ANO5: variants seen among roughly 807,000 people sequenced by gnomAD.
ANO5 encodes anoctamin 5.
Under a neutral mutation model 121.0 loss-of-function variants are expected in ANO5, and 109 were observed. The ratio of observed to expected loss-of-function variants is 0.90; its 90% CI spans 0.77 to 1.06. The LOEUF (loss-of-function observed/expected upper bound fraction) is 1.06, where lower values mean the gene tolerates loss of function less well. Among genes scored for constraint, ANO5 ranks in the 50% least tolerant of loss-of-function variants. The pLI, the probability that ANO5 is intolerant of heterozygous loss-of-function variation, is 0.00. For synonymous variants in ANO5, 406 were observed against 359.9 expected (o/e 1.13, Z -1.45); for missense variants, 1,064 against 1,078.5 (o/e 0.99, Z 0.19).
chr11:22,259,495 C>G, intron 14 of ANO5, 24 bp from the exon 15 acceptor site: 1 of 1,584,498 alleles, frequency 6.3e-7, no homozygotes, highest in Non-Finnish European at 8.7e-7. Flanking sequence ...ACCCAAATAG[C>G]AGTTCTTTGT....
intron 17 of ANO5, among the ~76,000 whole-genome samples, chr11:22,267,579 C>T (rs1435141260): frequency 6.7e-6 from 1 of 150,254 alleles, no homozygotes; most frequent in East Asian, 2.0e-4. Flanking sequence ...TCCACTCTAT[C>T]CCAAGATTTG....
chr11:22,210,645 C>T (rs1019110767), intron 2 of ANO5, among the ~76,000 whole-genome samples: 1 of 151,788 alleles, frequency 6.6e-6, no homozygotes, highest in Non-Finnish European at 1.5e-5. Flanking sequence ...CATCGTGTAA[C>T]CTAAGGAATT....
intron 12 of ANO5, among the ~76,000 whole-genome samples, chr11:22,253,500 C>T (rs1016618010): frequency 2.6e-5 from 4 of 152,048 alleles, no homozygotes; most frequent in Admixed American, 2.6e-4. Flanking sequence ...AATACTGCTT[C>T]TAAAATTAAT....
In ANO5 at chr11:22,238,859, G is replaced by A. The variant is rs530231787; in HGVS notation, c.763-710G>A. On this transcript the variant is annotated intron_variant, in intron 8 of 21. Transcript: ENST00000324559. The stretch of plus-strand genomic sequence containing the variant: ...TGCACCTAGTAACTCATCATTTAAC[G>A]TTAGGTATATCTCCAACGTGCTAAA... 1.6e-4 allele frequency among the ~76,000 whole-genome samples: 24 copies of A among 151,988 alleles called. No homozygotes were observed. In the East Asian group the frequency reaches 4.4e-3, roughly 28 times the overall value.
rs147615891 is a variant in ANO5, at chr11:22,275,503, T to G, written c.2415-591T>G. Among the ~76,000 whole-genome samples the G allele has an allele frequency of 6.8e-3, 1,028 of 152,068 alleles. 8 individuals are homozygous for G. The highest frequency in any genetic ancestry group is 0.023 in the African/African-American group (973 of 41,552). ...AGCATGGCCACTGGTGTCAGATTTCTGGATGTCATTACCCCTTAGCTGGAC... is the reference window on the plus strand; with the variant it reads ...AGCATGGCCACTGGTGTCAGATTTCGGGATGTCATTACCCCTTAGCTGGAC... On this transcript the variant is annotated intron_variant, in intron 20 of 21. Transcript: ENST00000324559.
intron 3 of ANO5, among the ~76,000 whole-genome samples, chr11:22,214,437 C>T (rs1852376706): frequency 6.6e-6 from 1 of 151,766 alleles, no homozygotes; most frequent in South Asian, 2.1e-4. Context: ...GTTAGGCCTA[C>T]TCAGTGTAGG....
At position 22,282,333 on chromosome 11, in the gene ANO5, T is replaced by G. The variant is rs150297037; in HGVS notation, c.*2568T>G. On this transcript the variant is annotated 3_prime_UTR_variant, in exon 22 of 22. Transcript: ENST00000324559. ...TTTCCTTTGCACACAGGAAGCAAAA[T>G]CTACTTCAAGACATTTATTTTAGAG... 1.3e-5 allele frequency: 2 copies of G among 152,176 alleles called. No homozygotes were observed. Among genetic ancestry groups the G allele is most frequent in the Non-Finnish European group, 2.9e-5 (2 of 68,000 alleles). The allele number at this position is 152,176 out of a possible 1,614,324, so 9.4% of individuals were successfully genotyped here.
chr11:22,251,141 A>G, intron 12 of ANO5, 130 bp downstream of exon 12: 1 of 939,946 alleles, frequency 1.1e-6, no homozygotes, highest in South Asian at 1.4e-5. Context: ...CTTTGTTAGC[A>G]TTAATATACT....
intron 13 of ANO5, among the ~76,000 whole-genome samples, chr11:22,256,184 G>A (rs1196336314): frequency 6.6e-6 from 1 of 152,054 alleles, no homozygotes; most frequent in African/African-American, 2.4e-5. Flanking sequence ...ATGTGAAAAT[G>A]GAAGTGCTTT....
chr11:22,230,720 G>T (rs1853012367), intron 7 of ANO5, among the ~76,000 whole-genome samples: 2 of 151,704 alleles, frequency 1.3e-5, no homozygotes, highest in Admixed American at 6.6e-5. Context: ...ATGCAAACCG[G>T]GTCCTCTCCT....
rs757147500 is a variant in ANO5 at position 22,281,399 on chromosome 11, G to C, written c.*1634G>C. ...AGACAGTCACCCCAGTTTGGACTGG[G>C]ACTAATCCCCAGTACTGATTTGTCA... On this transcript the variant is annotated 3_prime_UTR_variant, in exon 22 of 22. Coordinates refer to ENST00000324559, the MANE Select transcript of ANO5 (RefSeq NM_213599.3). The C allele has an allele frequency of 6.6e-6, 1 of 152,038 alleles. No individual in the cohort carries two copies. Among genetic ancestry groups the C allele is most frequent in the Non-Finnish European group, 1.5e-5 (1 of 67,922 alleles). 9.4% of individuals were successfully genotyped at this position (152,038 alleles called of 1,614,324 possible). A position where few individuals can be genotyped will look rare whatever the true frequency, so the allele number is the denominator to read the frequency against.
chr11:22,281,187 C>T lies in ANO5; in HGVS notation c.*1422C>T, dbSNP rs1373461154. On this transcript the variant is annotated 3_prime_UTR_variant, in exon 22 of 22. Coordinates refer to ENST00000324559, the MANE Select transcript of ANO5 (RefSeq NM_213599.3). ...TCTCCAGTTTCAAATTATAATTCAC[C>T]TCCAAAAGAATAGTTTTTTAATCAC... The T allele has an allele frequency of 6.6e-6, 1 of 151,904 alleles. No individual in the cohort carries two copies. The highest frequency in any genetic ancestry group is 2.4e-5 in the African/African-American group (1 of 41,388). The allele number at this position is 151,904 out of a possible 1,614,324, so 9.4% of individuals were successfully genotyped here. A position where few individuals can be genotyped will look rare whatever the true frequency, so the allele number is the denominator to read the frequency against.
chr11:22,214,329 T>G (rs1257193962), intron 3 of ANO5, among the ~76,000 whole-genome samples: 1 of 151,966 alleles, frequency 6.6e-6, no homozygotes, highest in East Asian at 1.9e-4. Context: ...ATTTCCTGCC[T>G]CAGTCCTAGA....
intron 21 of ANO5, chr11:22,277,660 T>C (rs1337874742): frequency 1.3e-5 from 2 of 151,658 alleles, no homozygotes; most frequent in African/African-American, 4.8e-5. Flanking sequence ...CTTATGAATT[T>C]ATCAGTCTTT....
rs775383795 is a variant in ANO5 at position 22,193,476 on chromosome 11, T to TTAACGAGCTGGCGAAGA, written c.-15_2dup. 3.2e-5 allele frequency: 52 copies of TTAACGAGCTGGCGAAGA among 1,611,066 alleles called. 1 individual carries two copies. The East Asian group carries it at 1.1e-3, about 35-fold the overall frequency. On this transcript the variant is annotated 5_prime_UTR_variant, in exon 1 of 22. Coordinates refer to ENST00000324559, the MANE Select transcript of ANO5 (RefSeq NM_213599.3). ...TGCTGCCTCTCAGGCACCAGTGCCA[T>TTAACGAGCTGGCGAAGA]TAACGAGCTGGCGAAGATGGGCGAC...
At chr11:22,269,891 A>G (rs1443789281) in intron 17 of ANO5, among the ~76,000 whole-genome samples, 1 of 152,110 alleles carries the variant, frequency 6.6e-6, no homozygotes, top group African/African-American at 2.4e-5. Context: ...ATTTTGTTTA[A>G]TGTTATTCCA....
At position 22,279,548 on chromosome 11, in the gene ANO5, TTG is replaced by T; in HGVS notation, c.2529_2530del (p.Leu845SerfsTer2). ...TTTCCTTTATATTTCCTCTAGCATG[TTG>T]TGTTTTTAGTTAAATTTTTGCTGGC... On this transcript the variant is annotated frameshift_variant, in exon 22 of 22. Coordinates refer to ENST00000324559, the MANE Select transcript of ANO5 (RefSeq NM_213599.3). LOFTEE classifies it low-confidence loss of function (END_TRUNC). 1 of 1,609,208 alleles carries T rather than the reference TTG, an allele frequency of 6.2e-7. No homozygotes were observed. Among genetic ancestry groups the T allele is most frequent in the Non-Finnish European group, 8.5e-7 (1 of 1,176,298 alleles).
At chr11:22,270,661 C>G (rs7925323) in intron 18 of ANO5, among the ~76,000 whole-genome samples, 1 of 152,146 alleles carries the variant, frequency 6.6e-6, no homozygotes, top group Admixed American at 6.5e-5. Context: ...ACACCAATCT[C>G]AGAGACATAA....
rs371480368 is a variant in ANO5, at chr11:22,272,172, C to T, written c.2030-612C>T. On this transcript the variant is annotated intron_variant, in intron 18 of 21. Transcript: ENST00000324559. Reference sequence around the variant, plus strand: ...AAATGTGGAGATAAGCCAGCTTACACAGGTGTGGTCCTCTGTTGAGTCTTA... The same window carrying T: ...AAATGTGGAGATAAGCCAGCTTACATAGGTGTGGTCCTCTGTTGAGTCTTA... 9.9e-5 allele frequency among the ~76,000 whole-genome samples: 15 copies of T among 152,116 alleles called. No homozygotes were observed. The East Asian group carries it at 1.3e-3, about 14-fold the overall frequency.
Sources: gnomAD v4.1 joint callset for allele counts (sites outside exome capture counted in the v4.1 genomes callset) on GRCh38, gnomAD v4.1.1 for gene constraint, MANE v1.5 for transcripts, NCBI Gene and HGNC (gene_info 2026-07-23, HGNC 2026-07-21) for gene names.